The following IGF1R variants were observed in gnomAD, a reference collection of about 807,000 sequenced individuals.
The protein encoded by IGF1R is insulin like growth factor 1 receptor.
IGF1R carries 44 observed loss-of-function variants against 144.6 expected under a neutral mutation model. The ratio of observed to expected loss-of-function variants is 0.30; its 90% CI spans 0.24 to 0.39. IGF1R has a LOEUF of 0.39. Ranked by LOEUF, IGF1R falls within the 10% of genes least tolerant of loss-of-function variation. The pLI is 1.00. For missense variants in IGF1R, 1,355 were observed against 1,833.7 expected (o/e 0.74, Z 4.77); for synonymous variants, 795 against 722.8 (o/e 1.10, Z -1.60).
chr15:98,927,103 C>T (rs978642410), intron 13 of IGF1R, among the ~76,000 whole-genome samples: 7 of 152,174 alleles, frequency 4.6e-5, no homozygotes, highest in Non-Finnish European at 1.0e-4. Context: ...CTTTGCTGCT[C>T]CATTTTTAAC....
In IGF1R at chr15:98,695,344, A is replaced by T. The variant is rs957415634; in HGVS notation, c.95-12218A>T. On this transcript the variant is annotated intron_variant, in intron 1 of 20. Transcript: ENST00000650285. ...GTTTCTACTCTCAGAGGCTTTAAAG[A>T]GGTGCCCACTCTGGTGAGATGGCTG... Among the ~76,000 whole-genome samples the T allele has an allele frequency of 3.3e-5, 5 of 152,308 alleles. No individual in the cohort carries two copies. The South Asian group carries it at 8.3e-4, about 25-fold the overall frequency.
At chr15:98,718,895 A>G (rs2054183179) in intron 2 of IGF1R, among the ~76,000 whole-genome samples, 1 of 152,070 alleles carries the variant, frequency 6.6e-6, no homozygotes, top group South Asian at 2.1e-4. Flanking sequence ...GCAGAGACAA[A>G]TGGAAACTAG....
chr15:98,730,575 C>G (rs1349969199), intron 2 of IGF1R, among the ~76,000 whole-genome samples: 3 of 152,172 alleles, frequency 2.0e-5, no homozygotes, highest in Non-Finnish European at 4.4e-5. Flanking sequence ...TCCTGTTTTC[C>G]TGTGAAAATG....
chr15:98,893,952 C>A (rs781363307), intron 3 of IGF1R, among the ~76,000 whole-genome samples: 1 of 152,154 alleles, frequency 6.6e-6, no homozygotes, highest in Non-Finnish European at 1.5e-5. Flanking sequence ...CTTCTCTATA[C>A]CATAGTGGAT....
chr15:98,720,693 G>A (rs2054227210), intron 2 of IGF1R, among the ~76,000 whole-genome samples: 1 of 152,238 alleles, frequency 6.6e-6, no homozygotes, highest in Non-Finnish European at 1.5e-5. Flanking sequence ...GGAAATTCAG[G>A]TAGGATTGAT....
At chr15:98,853,002 C>T (rs1345928212) in intron 2 of IGF1R, among the ~76,000 whole-genome samples, 1 of 152,214 alleles carries the variant, frequency 6.6e-6, no homozygotes, top group African/African-American at 2.4e-5. Context: ...CGCCCTTCCT[C>T]TTTAAATTGC....
chr15:98,952,818 C>G (rs193083821), intron 20 of IGF1R: 10 of 152,314 alleles, frequency 6.6e-5, no homozygotes, highest in Admixed American at 3.3e-4. Context: ...ATGTTTAGTT[C>G]AGGAGGCATT....
intron 15 of IGF1R, among the ~76,000 whole-genome samples, chr15:98,932,734 C>T (rs894257069): frequency 6.6e-6 from 1 of 152,238 alleles, no homozygotes; most frequent in African/African-American, 2.4e-5. Flanking sequence ...GCACCCGCCT[C>T]TTCTTCAGGG....
At chr15:98,864,469 G>T (rs1464051496) in intron 2 of IGF1R, among the ~76,000 whole-genome samples, 2 of 152,214 alleles carry the variant, frequency 1.3e-5, no homozygotes, top group East Asian at 3.9e-4. Flanking sequence ...TGGAGCAGGA[G>T]CCTCAACCTC....
At chr15:98,872,562 C>T (rs1280487979) in intron 2 of IGF1R, among the ~76,000 whole-genome samples, 1 of 152,152 alleles carries the variant, frequency 6.6e-6, no homozygotes, top group African/African-American at 2.4e-5. Context: ...ACCTAAGATC[C>T]GCCAGGAGAC....
chr15:98,798,756 C>A (rs2056301134), intron 2 of IGF1R, among the ~76,000 whole-genome samples: 1 of 151,952 alleles, frequency 6.6e-6, no homozygotes, highest in Non-Finnish European at 1.5e-5. Context: ...GGCCCTGGAG[C>A]CATGGTGAAG....
intron 4 of IGF1R, among the ~76,000 whole-genome samples, chr15:98,898,402 G>A (rs2014310762): frequency 6.6e-6 from 1 of 152,146 alleles, no homozygotes; most frequent in South Asian, 2.1e-4. Flanking sequence ...GAAATAGATT[G>A]GATTTAGGAT....
At chr15:98,862,563 G>T (rs886392175) in intron 2 of IGF1R, among the ~76,000 whole-genome samples, 1 of 152,168 alleles carries the variant, frequency 6.6e-6, no homozygotes, top group Non-Finnish European at 1.5e-5. Context: ...CTAAACTAGG[G>T]ATTCACCTTA....
intron 1 of IGF1R, among the ~76,000 whole-genome samples, chr15:98,686,710 G>T (rs1163572052): frequency 6.8e-6 from 1 of 146,646 alleles, no homozygotes. Context: ...TCACATTGTT[G>T]TCCAGGCTAG....
intron 1 of IGF1R, among the ~76,000 whole-genome samples, chr15:98,654,495 G>T (rs2052441184): frequency 6.6e-6 from 1 of 152,162 alleles, no homozygotes. Context: ...TTTATAATTT[G>T]TAAATAACTT....
intron 2 of IGF1R, among the ~76,000 whole-genome samples, chr15:98,819,317 A>G (rs1403872565): frequency 2.0e-5 from 3 of 152,184 alleles, no homozygotes; most frequent in East Asian, 1.9e-4. Flanking sequence ...GCCACTGTCT[A>G]CATGTTTATG....
intron 2 of IGF1R, among the ~76,000 whole-genome samples, chr15:98,791,754 G>A (rs973424844): frequency 3.3e-5 from 5 of 152,210 alleles, no homozygotes; most frequent in African/African-American, 4.8e-5. Context: ...TAAATGTGAC[G>A]TAGCTAATGC....
At chr15:98,728,461 G>A (rs997201845) in intron 2 of IGF1R, among the ~76,000 whole-genome samples, 1 of 152,228 alleles carries the variant, frequency 6.6e-6, no homozygotes, top group Non-Finnish European at 1.5e-5. Context: ...CCAGCAAGAG[G>A]GCCTGACTTA....
chr15:98,896,390 C>CT (rs2014198818), intron 3 of IGF1R, among the ~76,000 whole-genome samples: 1 of 152,214 alleles, frequency 6.6e-6, no homozygotes, highest in Non-Finnish European at 1.5e-5. Context: ...GAAAGCAGCT[C>CT]TGTTTTCCTC....
Sources: gnomAD v4.1 joint callset for allele counts (sites outside exome capture counted in the v4.1 genomes callset) on GRCh38, gnomAD v4.1.1 for gene constraint, MANE v1.5 for transcripts, NCBI Gene and HGNC (gene_info 2026-07-23, HGNC 2026-07-21) for gene names.